The following CHORDC1 variants were observed in gnomAD, a reference collection of about 807,000 sequenced individuals.
CHORDC1 encodes the protein cysteine and histidine rich domain containing 1, also known as cysteine and histidine-rich domain-containing protein 1.
A neutral mutation model predicts 48.3 loss-of-function variants in CHORDC1; 25 were observed. The ratio of observed to expected loss-of-function variants is 0.52; its 90% CI spans 0.38 to 0.72. The LOEUF (loss-of-function observed/expected upper bound fraction) is 0.72. Among genes scored for constraint, CHORDC1 ranks in the 30% least tolerant of loss-of-function variants. The pLI is 0.00. For missense variants in CHORDC1, 317 were observed against 388.7 expected, an observed-to-expected ratio of 0.82 and a Z score of 1.55; for synonymous variants, 128 against 126.4, an observed-to-expected ratio of 1.01 and a Z score of -0.09.
intron 1 of CHORDC1, 22 bp downstream of exon 1, chr11:90,222,869 G>A (rs755810564): frequency 9.9e-6 from 16 of 1,609,624 alleles, no homozygotes; most frequent in African/African-American, 1.3e-5. Flanking sequence ...GGGAGGGAGG[G>A]CTGGCGGCGC....
At chr11:90,212,732 T>C (rs938537348) in intron 4 of CHORDC1, 4 of 152,120 alleles carry the variant, frequency 2.6e-5, no homozygotes, top group African/African-American at 9.7e-5. Context: ...AAAAAGTCAA[T>C]CTCAAGATCC....
intron 1 of CHORDC1, among the ~76,000 whole-genome samples, chr11:90,221,986 A>T (rs1423849633): frequency 6.6e-6 from 1 of 152,236 alleles, no homozygotes; most frequent in Non-Finnish European, 1.5e-5. Flanking sequence ...GGTGGTTATG[A>T]AGATTAAATA....
intron 8 of CHORDC1, among the ~76,000 whole-genome samples, 167 bp downstream of exon 8, chr11:90,205,293 A>G (rs1385333217): frequency 2.0e-5 from 3 of 152,194 alleles, no homozygotes; most frequent in Admixed American, 1.3e-4. Context: ...AAGGCAGTAC[A>G]CTGGCAGCTT....
intron 2 of CHORDC1, 107 bp from the exon 3 acceptor site, chr11:90,215,337 G>A (rs755662171): frequency 5.2e-6 from 3 of 576,854 alleles, no homozygotes; most frequent in Non-Finnish European, 5.9e-6. Flanking sequence ...AGTAACTTGC[G>A]TATAGAGTGC....
At chr11:90,210,115 G>C (rs1857820366) in intron 6 of CHORDC1, among the ~76,000 whole-genome samples, 1 of 152,140 alleles carries the variant, frequency 6.6e-6, no homozygotes, top group Non-Finnish European at 1.5e-5. Flanking sequence ...CTGATTTAGT[G>C]TTACTATGTC....
At chr11:90,211,439 ATTAAAAGG>A (rs1325779826) in intron 4 of CHORDC1, 121 bp from the exon 5 acceptor site, 11 of 679,556 alleles carry the variant, frequency 1.6e-5, no homozygotes, top group Non-Finnish European at 2.9e-5. Flanking sequence ...AATGATTCCC[ATTAAAAGG>A]TTAAAAGGTA....
intron 8 of CHORDC1, 141 bp from the exon 9 acceptor site, chr11:90,203,568 T>C: frequency 1.6e-6 from 1 of 609,160 alleles, no homozygotes; most frequent in South Asian, 3.9e-5. Context: ...AACTTCTATA[T>C]TTCCCAAGAG....
At chr11:90,205,267 T>C (rs1857648131) in intron 8 of CHORDC1, among the ~76,000 whole-genome samples, 193 bp downstream of exon 8, 1 of 152,162 alleles carries the variant, frequency 6.6e-6, no homozygotes, top group Non-Finnish European at 1.5e-5. Flanking sequence ...AAACAGACAA[T>C]GGCTATTTTG....
At position 90,202,806 on chromosome 11, in the gene CHORDC1, T is replaced by C; in HGVS notation, c.852+7A>G. ...AAAAAAAATTCTTATAAATTTGTAA[T>C]ACTTACACCCCATAATTTCACATTT... On this transcript the variant is annotated splice_region_variant and intron_variant, in intron 10 of 10. Coordinates refer to ENST00000320585, the MANE Select transcript of CHORDC1 (RefSeq NM_012124.3). 1 of 1,587,474 alleles carries C rather than the reference T, an allele frequency of 6.3e-7. No homozygotes were observed. The highest frequency in any genetic ancestry group is 8.5e-7 in the Non-Finnish European group (1 of 1,170,324).
intron 1 of CHORDC1, among the ~76,000 whole-genome samples, chr11:90,219,795 C>T (rs866496094): frequency 3.3e-5 from 5 of 152,120 alleles, no homozygotes; most frequent in African/African-American, 9.7e-5. Flanking sequence ...CTAGCACCAC[C>T]GGGTTAGGGT....
intron 4 of CHORDC1, chr11:90,212,719 T>C (rs1857905697): frequency 6.6e-6 from 1 of 152,192 alleles, no homozygotes; most frequent in Non-Finnish European, 1.5e-5. Flanking sequence ...GTCCTTTTTT[T>C]TCAAAAAGTC....
intron 1 of CHORDC1, among the ~76,000 whole-genome samples, chr11:90,219,276 C>CA (rs1230407009): frequency 2.6e-5 from 4 of 151,854 alleles, no homozygotes; most frequent in East Asian, 1.9e-4. Context: ...AAAAAACAAA[C>CA]AAAAAAAACT....
rs1447470496 is a variant in CHORDC1, at chr11:90,200,646, A to G, written c.*1759T>C. Among the ~76,000 whole-genome samples, 14 of 150,572 alleles carry G rather than the reference A, an allele frequency of 9.3e-5. No homozygotes were observed. Among genetic ancestry groups the G allele is most frequent in the Admixed American group, 4.0e-4 (6 of 15,090 alleles). ...GACTAAATATAAAAGCTACATATGT[A>G]TGTGTGTGTGTGTGTGTATAAATCA... On this transcript the variant is annotated 3_prime_UTR_variant, in exon 11 of 11. Transcript: ENST00000320585.
chr11:90,208,252 G>C (rs1454905178), intron 6 of CHORDC1: 1 of 152,116 alleles, frequency 6.6e-6, no homozygotes, highest in Non-Finnish European at 1.5e-5. Context: ...GGCCAACATG[G>C]TGAAACCTTG....
intron 1 of CHORDC1, chr11:90,222,645 G>A (rs1464808875): frequency 1.5e-6 from 1 of 685,666 alleles, no homozygotes; most frequent in Non-Finnish European, 2.7e-6. Flanking sequence ...TGGATCCATG[G>A]GAGCGTCTCT....
intron 7 of CHORDC1, chr11:90,205,919 A>C (rs1857668373): frequency 1.5e-5 from 7 of 471,202 alleles, no homozygotes; most frequent in Non-Finnish European, 2.7e-5. Context: ...CTTCAAACAA[A>C]ACATTTAGCC....
At chr11:90,208,106 T>C (rs370582738) in intron 6 of CHORDC1, 1 of 151,440 alleles carries the variant, frequency 6.6e-6, no homozygotes, top group African/African-American at 2.4e-5. Context: ...AATGGAAATG[T>C]GTATATGTGT....
chr11:90,206,548 C>CT lies in CHORDC1; in HGVS notation c.493-277dup, dbSNP rs1291031669. ...CCATCCAATCATATTCAAGTACTTA[C>CT]TTAGTTACTAATTTCAAAAACAATG... On this transcript the variant is annotated intron_variant, in intron 6 of 10. Transcript: ENST00000320585. The CT allele has an allele frequency of 1.1e-5, 4 of 377,994 alleles. No homozygotes were observed. The East Asian group carries it at 1.8e-4, about 17-fold the overall frequency. 23.4% of individuals were successfully genotyped at this position (377,994 alleles called of 1,614,324 possible).
At chr11:90,205,921 C>T in intron 7 of CHORDC1, 1 of 471,622 alleles carries the variant, frequency 2.1e-6, no homozygotes, top group South Asian at 2.5e-5. Context: ...TCAAACAAAA[C>T]ATTTAGCCCA....
Sources: gnomAD v4.1 joint callset for allele counts (sites outside exome capture counted in the v4.1 genomes callset) on GRCh38, gnomAD v4.1.1 for gene constraint, MANE v1.5 for transcripts, NCBI Gene and HGNC (gene_info 2026-07-23, HGNC 2026-07-21) for gene names.